The following PALM2AKAP2 variants were observed in gnomAD, a reference collection of about 807,000 sequenced individuals.
The protein encoded by PALM2AKAP2 is PALM2-AKAP2 fusion protein.
In PALM2AKAP2, 37 loss-of-function variants were observed where a neutral mutation model predicts 71.5. The ratio of observed to expected loss-of-function variants is 0.52; its 90% confidence interval spans 0.40 to 0.68. The LOEUF is 0.68. Ranked by LOEUF, PALM2AKAP2 falls within the 30% of genes least tolerant of loss-of-function variation. The pLI, the probability that PALM2AKAP2 is intolerant of heterozygous loss-of-function variation, is 0.00. For synonymous variants in PALM2AKAP2, 468 were observed against 478.8 expected (o/e 0.98, Z 0.29); for missense variants, 1,224 against 1,191.8 (o/e 1.03, Z -0.40).
chr9:109,826,465 C>T (rs899457536), intron 1 of PALM2AKAP2, among the ~76,000 whole-genome samples: 2 of 152,148 alleles, frequency 1.3e-5, no homozygotes, highest in African/African-American at 4.8e-5. Flanking sequence ...AAAGGGGCAG[C>T]TGAAGTGTTT....
intron 2 of PALM2AKAP2, among the ~76,000 whole-genome samples, chr9:109,869,034 C>G (rs150971398): frequency 1.5e-3 from 224 of 152,346 alleles, no homozygotes; most frequent in African/African-American, 5.0e-3. Flanking sequence ...CCAACATGTA[C>G]TAAAACCTCA....
chr9:109,962,109 TGCAG>T (rs1334465481), intron 6 of PALM2AKAP2, among the ~76,000 whole-genome samples: 1 of 152,228 alleles, frequency 6.6e-6, no homozygotes, highest in Admixed American at 6.5e-5. Context: ...CCCGAGACTG[TGCAG>T]GTGCTGCCCA....
intron 6 of PALM2AKAP2, among the ~76,000 whole-genome samples, chr9:110,000,775 A>AT (rs1832667655): frequency 6.6e-6 from 1 of 152,078 alleles, no homozygotes; most frequent in Non-Finnish European, 1.5e-5. Context: ...GATGATGAGC[A>AT]TTTTTTCATG....
intron 1 of PALM2AKAP2, among the ~76,000 whole-genome samples, chr9:109,833,692 CT>C (rs1212976207): frequency 6.6e-6 from 1 of 152,230 alleles, no homozygotes; most frequent in Non-Finnish European, 1.5e-5. Context: ...GTACAGGGTA[CT>C]TAGCATGTCT....
chr9:109,956,199 T>C (rs982291548), intron 6 of PALM2AKAP2, among the ~76,000 whole-genome samples: 6 of 151,982 alleles, frequency 3.9e-5, no homozygotes, highest in African/African-American at 1.4e-4. Context: ...GAGATGGGGT[T>C]TCGCTATGTT....
chr9:109,739,924 C>T (rs1828693528), intron 1 of PALM2AKAP2, among the ~76,000 whole-genome samples: 1 of 152,194 alleles, frequency 6.6e-6, no homozygotes, highest in South Asian at 2.1e-4. Flanking sequence ...TGTGACTTCT[C>T]ATCTTAAGGT....
chr9:109,685,362 A>G (rs569050668), intron 1 of PALM2AKAP2, among the ~76,000 whole-genome samples: 1 of 152,304 alleles, frequency 6.6e-6, no homozygotes, highest in South Asian at 2.1e-4. Context: ...TTCTAAATAT[A>G]CACAGTTATA....
chr9:110,052,488 A>G (rs1388383227), intron 1 of PALM2AKAP2, among the ~76,000 whole-genome samples: 1 of 152,210 alleles, frequency 6.6e-6, no homozygotes. Context: ...TTTTTCATGA[A>G]TATATTATAG....
At chr9:109,774,195 T>C (rs1829316639) in intron 1 of PALM2AKAP2, among the ~76,000 whole-genome samples, 2 of 152,240 alleles carry the variant, frequency 1.3e-5, no homozygotes, top group South Asian at 4.1e-4. Context: ...GTGGTCATTG[T>C]GCTAAGGTAA....
At chr9:109,892,085 C>T (rs545402010) in intron 3 of PALM2AKAP2, among the ~76,000 whole-genome samples, 1 of 152,286 alleles carries the variant, frequency 6.6e-6, no homozygotes, top group African/African-American at 2.4e-5. Flanking sequence ...TGTTCATTTC[C>T]TGAGACTGAT....
intron 1 of PALM2AKAP2, among the ~76,000 whole-genome samples, chr9:110,093,132 G>A (rs1009987522): frequency 1.1e-4 from 17 of 152,330 alleles, no homozygotes; most frequent in African/African-American, 2.6e-4. Flanking sequence ...CTGCAGGGAC[G>A]TTCAGGCCAT....
intron 1 of PALM2AKAP2, among the ~76,000 whole-genome samples, chr9:110,102,738 C>T (rs974902908): frequency 2.0e-5 from 3 of 152,254 alleles, no homozygotes; most frequent in Middle Eastern, 3.4e-3. Flanking sequence ...CACGTCATTC[C>T]CCAGCCCAAT....
intron 1 of PALM2AKAP2, among the ~76,000 whole-genome samples, chr9:109,755,005 T>C (rs1293138800): frequency 6.6e-6 from 1 of 151,962 alleles, no homozygotes; most frequent in Non-Finnish European, 1.5e-5. Flanking sequence ...ATAAGCAAGT[T>C]CTGCTGACTC....
At chr9:109,855,020 G>A (rs543327035) in intron 1 of PALM2AKAP2, among the ~76,000 whole-genome samples, 25 of 151,720 alleles carry the variant, frequency 1.6e-4, no homozygotes, top group Middle Eastern at 6.8e-3. Flanking sequence ...TGCCCGCCTC[G>A]GCCCCCCAAA....
At chr9:109,780,955 C>G (rs1359854904) in intron 1 of PALM2AKAP2, among the ~76,000 whole-genome samples, 6 of 152,158 alleles carry the variant, frequency 3.9e-5, no homozygotes. Context: ...AGTGGAAAAC[C>G]AGGAGTCAGC....
chr9:109,906,923 C>G (rs1830458260), intron 3 of PALM2AKAP2, among the ~76,000 whole-genome samples: 1 of 152,224 alleles, frequency 6.6e-6, no homozygotes, highest in Non-Finnish European at 1.5e-5. Flanking sequence ...CTCCCTGTCA[C>G]TTTCTTTCCC....
At chr9:109,888,007 G>A (rs1426189357) in intron 3 of PALM2AKAP2, among the ~76,000 whole-genome samples, 4 of 152,126 alleles carry the variant, frequency 2.6e-5, no homozygotes, top group Non-Finnish European at 5.9e-5. Context: ...GCCTATTGTG[G>A]GTGGTCATCA....
chr9:110,102,555 GT>G (rs770761657), intron 1 of PALM2AKAP2, among the ~76,000 whole-genome samples: 2 of 152,054 alleles, frequency 1.3e-5, no homozygotes, highest in Non-Finnish European at 2.9e-5. Flanking sequence ...GGGCCATGGA[GT>G]TGTTATCCCA....
chr9:109,776,245 A>G (rs1829347230), upstream of PALM2AKAP2, among the ~76,000 whole-genome samples: 1 of 152,230 alleles, frequency 6.6e-6, no homozygotes, highest in African/African-American at 2.4e-5. Context: ...TTAAAATACT[A>G]AAATTTAGAA....
Sources: allele counts gnomAD v4.1 joint callset (sites outside exome capture counted in the v4.1 genomes callset), GRCh38; gene constraint gnomAD v4.1.1; transcripts MANE v1.5; gene names NCBI Gene and HGNC (gene_info 2026-07-23, HGNC 2026-07-21).